The following PIK3CB variants were observed in gnomAD, a reference collection of about 807,000 sequenced individuals.
The protein encoded by PIK3CB is phosphatidylinositol-4,5-bisphosphate 3-kinase catalytic subunit beta.
In PIK3CB, 39 loss-of-function variants were observed where a neutral mutation model predicts 136.8. That is an observed-to-expected ratio of 0.29 (90% CI 0.22 to 0.37). PIK3CB has a LOEUF of 0.37. Ranked by LOEUF, PIK3CB falls within the 10% of genes least tolerant of loss-of-function variation. The pLI, the probability that PIK3CB is intolerant of heterozygous loss-of-function variation, is 1.00. For synonymous variants in PIK3CB, 428 were observed against 436.6 expected (o/e 0.98, Z 0.25); for missense variants, 868 against 1,275.4 (o/e 0.68, Z 4.87).
At chr3:138,793,002 G>A (rs375853249) in intron 2 of PIK3CB, among the ~76,000 whole-genome samples, 1 of 151,950 alleles carries the variant, frequency 6.6e-6, no homozygotes, top group African/African-American at 2.4e-5. Flanking sequence ...TTATCTATTC[G>A]GCATATAGTT....
rs369492161 is a variant in PIK3CB, at chr3:138,763,730, G to A, written c.-16-4371C>T. 2.6e-4 allele frequency among the ~76,000 whole-genome samples: 39 copies of A among 152,268 alleles called. No individual in the cohort carries two copies. The East Asian group carries it at 6.4e-3, about 25-fold the overall frequency. On this transcript the variant is annotated intron_variant, in intron 2 of 23. Transcript: ENST00000674063. ...CAAAGAGACTGACTGCATCTCACCA[G>A]CACTCCCATCCTATAGCATCAACTG... is the stretch of plus-strand genomic sequence containing the variant.
rs2043144117 is a variant in PIK3CB, at chr3:138,653,078, G to C, written c.*2311C>G. The C allele has an allele frequency of 5.2e-6, 1 of 191,468 alleles. No individual in the cohort carries two copies. Among genetic ancestry groups the C allele is most frequent in the Admixed American group, 6.1e-5 (1 of 16,302 alleles). 11.9% of individuals were successfully genotyped at this position (191,468 alleles called of 1,614,324 possible). On this transcript the variant is annotated 3_prime_UTR_variant, in exon 24 of 24. Transcript: ENST00000674063. ...ACACAGAATACTATAAATCATTGCG[G>C]ATATAAATGAAAGATAATCTAAATA... is the stretch of plus-strand genomic sequence containing the variant.
Position 138,694,753 on chromosome 3 carries a change from C to T in PIK3CB, c.1892+33G>A, listed in dbSNP as rs1242867813. The T allele has an allele frequency of 1.9e-6, 3 of 1,605,870 alleles. No homozygotes were observed. In the East Asian group the frequency reaches 6.7e-5, roughly 36 times the overall value. On this transcript the variant is annotated intron_variant, in intron 14 of 23. Coordinates refer to ENST00000674063, the MANE Select transcript of PIK3CB (RefSeq NM_006219.3). ...CATCCCAAACCCACCCAAGTTATTC[C>T]TTGCCCCAAAGAAAACCACCTGCAG...
chr3:138,741,503 T>C (rs1280214972), intron 5 of PIK3CB, among the ~76,000 whole-genome samples: 1 of 152,252 alleles, frequency 6.6e-6, no homozygotes, highest in Non-Finnish European at 1.5e-5. Context: ...GTCATTGCTA[T>C]GGTTATTCAC....
intron 2 of PIK3CB, among the ~76,000 whole-genome samples, chr3:138,778,970 C>A (rs1356962632): frequency 6.6e-6 from 1 of 151,480 alleles, no homozygotes; most frequent in East Asian, 1.9e-4. Context: ...GCCTAGAAAG[C>A]TCCACTTTGT....
chr3:138,783,047 C>T (rs1007172876), intron 2 of PIK3CB, among the ~76,000 whole-genome samples: 1 of 152,176 alleles, frequency 6.6e-6, no homozygotes, highest in African/African-American at 2.4e-5. Context: ...TGGGGGATAT[C>T]ATTAATGAGG....
intron 9 of PIK3CB, among the ~76,000 whole-genome samples, chr3:138,712,704 T>C (rs2044528551): frequency 6.6e-6 from 1 of 151,790 alleles, no homozygotes; most frequent in South Asian, 2.1e-4. Flanking sequence ...GTAGCTGGAA[T>C]TACAGGCACC....
At chr3:138,672,344 A>G (rs1256735366) in intron 19 of PIK3CB, among the ~76,000 whole-genome samples, 2 of 152,150 alleles carry the variant, frequency 1.3e-5, no homozygotes, top group South Asian at 2.1e-4. Context: ...AATATAAACT[A>G]TCTATGAGGT....
At chr3:138,667,707 G>A (rs1309465801) in intron 19 of PIK3CB, among the ~76,000 whole-genome samples, 37 of 150,602 alleles carry the variant, frequency 2.5e-4, no homozygotes, top group African/African-American at 8.7e-4. Context: ...GACTACAGGC[G>A]CCTGCCACCA....
At chr3:138,677,606 G>C (rs940925431) in intron 19 of PIK3CB, among the ~76,000 whole-genome samples, 6 of 152,124 alleles carry the variant, frequency 3.9e-5, no homozygotes, top group Non-Finnish European at 7.4e-5. Flanking sequence ...TTTGGAATTT[G>C]TTAAATCTGG....
chr3:138,666,251 C>T (rs889681157), intron 19 of PIK3CB, among the ~76,000 whole-genome samples: 2 of 152,024 alleles, frequency 1.3e-5, no homozygotes, highest in African/African-American at 2.4e-5. Context: ...CTCACCATAG[C>T]GTCAAATCCC....
intron 14 of PIK3CB, among the ~76,000 whole-genome samples, chr3:138,693,966 T>TATATATTATA (rs1457395869): frequency 2.4e-5 from 1 of 42,406 alleles, no homozygotes; most frequent in Non-Finnish European, 3.6e-5. Context: ...TATATATATA[T>TATATATTATA]TATATATATA....
intron 1 of PIK3CB, among the ~76,000 whole-genome samples, chr3:138,806,208 C>T (rs533874787): frequency 3.2e-4 from 48 of 151,822 alleles, no homozygotes; most frequent in Middle Eastern, 6.8e-3. Flanking sequence ...AGAAATCGGC[C>T]GGGTGAGGTA....
intron 6 of PIK3CB, among the ~76,000 whole-genome samples, chr3:138,736,558 A>G (rs2045108763): frequency 6.6e-6 from 1 of 152,192 alleles, no homozygotes; most frequent in Non-Finnish European, 1.5e-5. Flanking sequence ...TCTCCAAGAT[A>G]TTTCAACAAA....
At chr3:138,732,853 T>C (rs1349609097) in intron 8 of PIK3CB, among the ~76,000 whole-genome samples, 1 of 151,824 alleles carries the variant, frequency 6.6e-6, no homozygotes, top group African/African-American at 2.4e-5. Context: ...AAATTTAACA[T>C]ATTCATCATC....
intron 4 of PIK3CB, among the ~76,000 whole-genome samples, chr3:138,749,412 C>T (rs1003459426): frequency 7.9e-5 from 12 of 152,036 alleles, no homozygotes; most frequent in Non-Finnish European, 1.2e-4. Context: ...ATTCTTAATC[C>T]CTCCAATCCA....
chr3:138,788,986 A>AAAAAAAC lies in PIK3CB; in HGVS notation c.-17+7470_-17+7476dup, dbSNP rs1559879212. On this transcript the variant is annotated intron_variant, in intron 2 of 23. Transcript: ENST00000674063. ...TCTCAAAAAAAAAAAAAAAAAAAAA[A>AAAAAAAC]AAAAAACAAAAAACAACACCACAGA... 4.3e-5 allele frequency among the ~76,000 whole-genome samples: 6 copies of AAAAAAAC among 139,030 alleles called. 1 individual carries two copies. The highest frequency in any genetic ancestry group is 6.1e-5 in the Non-Finnish European group (4 of 65,218). The allele number at this position is 139,030 out of a possible 152,430, so 91.2% of individuals were successfully genotyped here. A position where few individuals can be genotyped will look rare whatever the true frequency, so the allele number is the denominator to read the frequency against.
At chr3:138,807,450 A>G (rs2108858536) in intron 1 of PIK3CB, among the ~76,000 whole-genome samples, 1 of 152,274 alleles carries the variant, frequency 6.6e-6, no homozygotes, top group African/African-American at 2.4e-5. Context: ...AAAATAAATA[A>G]TAATAAAATG....
chr3:138,807,500 T>G (rs2046246990), intron 1 of PIK3CB, among the ~76,000 whole-genome samples: 1 of 152,100 alleles, frequency 6.6e-6, no homozygotes, highest in Non-Finnish European at 1.5e-5. Flanking sequence ...GTAATGCCAA[T>G]ACACTATAAA....
Sources: allele counts gnomAD v4.1 joint callset (sites outside exome capture counted in the v4.1 genomes callset), GRCh38; gene constraint gnomAD v4.1.1; transcripts MANE v1.5; gene names NCBI Gene and HGNC (gene_info 2026-07-23, HGNC 2026-07-21).